Variants in INVS observed in about 807,000 individuals in gnomAD.
INVS encodes the protein inversion of embryo turning homolog.
A neutral mutation model predicts 108.8 loss-of-function variants in INVS; 86 were observed. The observed-to-expected ratio is 0.79, with a 90% CI of 0.66 to 0.95. The LOEUF is 0.95. INVS is among the 40% of genes least tolerant of loss of function. INVS has a pLI of 0.00. For missense variants in INVS, 1,169 were observed against 1,297.4 expected, an observed-to-expected ratio of 0.90 and a Z score of 1.52; for synonymous variants, 455 against 473.5, an observed-to-expected ratio of 0.96 and a Z score of 0.51.
intron 16 of INVS, among the ~76,000 whole-genome samples, chr9:100,299,536 G>A (rs1191491114): frequency 6.9e-6 from 1 of 144,114 alleles, no homozygotes; most frequent in African/African-American, 2.7e-5. Context: ...AATCTCAGCA[G>A]AGCCTTTTAT....
At chr9:100,113,535 C>G (rs768777838) in intron 2 of INVS, among the ~76,000 whole-genome samples, 8 of 152,094 alleles carry the variant, frequency 5.3e-5, no homozygotes, top group Non-Finnish European at 8.8e-5. Flanking sequence ...CCCAAAACAA[C>G]CCAGGCATTT....
intron 3 of INVS, among the ~76,000 whole-genome samples, chr9:100,213,580 G>C (rs1830899798): frequency 6.6e-6 from 1 of 152,004 alleles, no homozygotes; most frequent in Non-Finnish European, 1.5e-5. Context: ...CTAAATATAA[G>C]CTAAGAAGTT....
At chr9:100,264,574 C>A (rs1832725017) in intron 10 of INVS, among the ~76,000 whole-genome samples, 1 of 149,416 alleles carries the variant, frequency 6.7e-6, no homozygotes, top group Admixed American at 6.7e-5. Flanking sequence ...GCTGAGATCT[C>A]ACCATTGCAC....
intron 3 of INVS, among the ~76,000 whole-genome samples, chr9:100,159,388 G>C (rs1226897332): frequency 6.6e-6 from 1 of 152,176 alleles, no homozygotes; most frequent in Non-Finnish European, 1.5e-5. Flanking sequence ...ATAGTCAATG[G>C]CTCTGAGTGG....
At chr9:100,275,312 G>C (rs1319552556) in intron 12 of INVS, among the ~76,000 whole-genome samples, 1 of 152,154 alleles carries the variant, frequency 6.6e-6, no homozygotes, top group Non-Finnish European at 1.5e-5. Context: ...TTCTACTGAT[G>C]TTTCCATAAA....
intron 2 of INVS, among the ~76,000 whole-genome samples, chr9:100,112,063 C>A (rs1211483758): frequency 6.6e-6 from 1 of 152,152 alleles, no homozygotes; most frequent in South Asian, 2.1e-4. Context: ...TCTCTGCCTT[C>A]CGGGTTCAAG....
At chr9:100,203,128 T>G (rs1189114274) in intron 3 of INVS, among the ~76,000 whole-genome samples, 1 of 152,242 alleles carries the variant, frequency 6.6e-6, no homozygotes, top group Admixed American at 6.5e-5. Flanking sequence ...ATTTGATGTT[T>G]AGCATCTATA....
intron 1 of INVS, 58 bp from the exon 2 acceptor site, chr9:100,104,440 T>C (rs543883059): frequency 6.7e-6 from 6 of 900,926 alleles, no homozygotes; most frequent in African/African-American, 6.5e-5. Flanking sequence ...TTGGAACTGA[T>C]GAGACAGGTT....
chr9:100,299,361 A>G (rs1833882695), intron 16 of INVS, among the ~76,000 whole-genome samples: 1 of 151,828 alleles, frequency 6.6e-6, no homozygotes, highest in African/African-American at 2.4e-5. Flanking sequence ...CCCACCCCCG[A>G]GGTTTTAGTA....
At chr9:100,171,724 T>A (rs1024539765) in intron 3 of INVS, among the ~76,000 whole-genome samples, 1 of 152,188 alleles carries the variant, frequency 6.6e-6, no homozygotes, top group African/African-American at 2.4e-5. Context: ...CAAATTCATA[T>A]ACCTTTCCTA....
At chr9:100,180,065 G>A (rs1378088253) in intron 3 of INVS, among the ~76,000 whole-genome samples, 4 of 152,156 alleles carry the variant, frequency 2.6e-5, no homozygotes, top group Non-Finnish European at 5.9e-5. Context: ...AATTAAGGTA[G>A]AAATAAATAA....
At chr9:100,131,879 T>C in intron 3 of INVS, 3 of 971,038 alleles carry the variant, frequency 3.1e-6, no homozygotes, top group Non-Finnish European at 3.7e-6. Context: ...GTTTTCAAGG[T>C]ACGCTGTTTC....
intron 2 of INVS, among the ~76,000 whole-genome samples, chr9:100,115,786 T>C (rs1293843751): frequency 6.6e-6 from 1 of 152,192 alleles, no homozygotes; most frequent in Non-Finnish European, 1.5e-5. Flanking sequence ...AGCAGCATGA[T>C]TTATAATCCT....
chr9:100,260,633 C>T (rs1044134756), intron 10 of INVS, among the ~76,000 whole-genome samples: 47 of 152,208 alleles, frequency 3.1e-4, no homozygotes, highest in African/African-American at 1.1e-3. Context: ...TCAATCCTTA[C>T]AATAATCTTA....
At chr9:100,240,267 A>G (rs1831824100) in intron 6 of INVS, 27 bp downstream of exon 6, 3 of 1,569,108 alleles carry the variant, frequency 1.9e-6, no homozygotes, top group Non-Finnish European at 2.6e-6. Context: ...ATCAACAGTA[A>G]AAGGAACTTC....
intron 15 of INVS, 151 bp downstream of exon 15, chr9:100,297,297 CTG>C (rs768677561): frequency 1.6e-4 from 115 of 732,584 alleles, no homozygotes; most frequent in Non-Finnish European, 2.6e-4. Flanking sequence ...ATGGTCAAAA[CTG>C]CAATTAATTT....
intron 4 of INVS, among the ~76,000 whole-genome samples, chr9:100,227,701 A>T (rs1037494542): frequency 2.0e-5 from 2 of 98,832 alleles, no homozygotes; most frequent in African/African-American, 1.4e-4. Context: ...AAGCCTGATT[A>T]AAAAAAAAAA....
At chr9:100,279,471 G>A (rs959163862) in intron 12 of INVS, among the ~76,000 whole-genome samples, 5 of 152,104 alleles carry the variant, frequency 3.3e-5, no homozygotes, top group Admixed American at 1.3e-4. Flanking sequence ...GATCCCATTC[G>A]TTGTTAAGAG....
At chr9:100,244,691 T>A (rs867505391) in intron 7 of INVS, among the ~76,000 whole-genome samples, 2 of 152,204 alleles carry the variant, frequency 1.3e-5, no homozygotes, top group Non-Finnish European at 2.9e-5. Context: ...CTCCTTGTCC[T>A]CTATTAACTG....
Sources: allele counts gnomAD v4.1 joint callset (sites outside exome capture counted in the v4.1 genomes callset), GRCh38; gene constraint gnomAD v4.1.1; transcripts MANE v1.5; gene names NCBI Gene and HGNC (gene_info 2026-07-23, HGNC 2026-07-21).